Variants in EIF2AK1 observed in about 807,000 individuals in gnomAD.
EIF2AK1 encodes the protein eukaryotic translation initiation factor 2 alpha kinase 1.
In EIF2AK1, 54 loss-of-function variants were observed where a neutral mutation model predicts 77.9. The ratio of observed to expected loss-of-function variants is 0.69; its 90% CI spans 0.56 to 0.87. EIF2AK1 has a LOEUF of 0.87. Among genes scored for constraint, EIF2AK1 ranks in the 40% least tolerant of loss-of-function variants. The pLI, the probability that EIF2AK1 is intolerant of heterozygous loss-of-function variation, is 0.00. For synonymous variants in EIF2AK1, 314 were observed against 290.5 expected, an observed-to-expected ratio of 1.08 and a Z score of -0.82; for missense variants, 810 against 768.6, an observed-to-expected ratio of 1.05 and a Z score of -0.64.
At chr7:6,041,774 G>T (rs930676438) in intron 8 of EIF2AK1, among the ~76,000 whole-genome samples, 4 of 150,364 alleles carry the variant, frequency 2.7e-5, no homozygotes, top group Non-Finnish European at 4.4e-5. Context: ...CCGGGAGGAA[G>T]AGGTTACAGT....
intron 1 of EIF2AK1, among the ~76,000 whole-genome samples, chr7:6,055,272 G>A (rs184724244): frequency 1.4e-4 from 21 of 145,586 alleles, no homozygotes; most frequent in Admixed American, 1.1e-3. Context: ...GAACCTGGGA[G>A]GCAGAAGTTG....
Position 6,044,613 on chromosome 7 carries a change from C to CAATATTGGA in EIF2AK1, c.678_679insTCCAATATT (p.Ile226_Val227insSerAsnIle). On this transcript the variant is annotated inframe_insertion, in exon 7 of 15. Transcript: ENST00000199389. ...TCTATCCACGCGGTGTGATAGCCAA[C>CAATATTGGA]AATATTGGGGTGCTGAAGACCTGCC... 6.2e-7 allele frequency: 1 copy of CAATATTGGA among 1,614,058 alleles called. No individual in the cohort carries two copies. Among genetic ancestry groups the CAATATTGGA allele is most frequent in the Non-Finnish European group, 8.5e-7 (1 of 1,179,986 alleles).
At chr7:6,037,295 G>T in intron 11 of EIF2AK1, 129 bp downstream of exon 11, 1 of 651,990 alleles carries the variant, frequency 1.5e-6, no homozygotes. Context: ...TGACTTATCT[G>T]ACAGTAATTA....
chr7:6,042,662 C>T (rs897514613), intron 8 of EIF2AK1, among the ~76,000 whole-genome samples: 2 of 151,784 alleles, frequency 1.3e-5, no homozygotes, highest in African/African-American at 2.4e-5. Flanking sequence ...GCCAGGAGAT[C>T]GAGACCACCC....
intron 11 of EIF2AK1, among the ~76,000 whole-genome samples, chr7:6,034,263 C>T (rs533579721): frequency 1.3e-5 from 2 of 152,100 alleles, no homozygotes; most frequent in Non-Finnish European, 2.9e-5. Flanking sequence ...GCCAAAATCA[C>T]GCCACCACAC....
chr7:6,022,779 G>A lies in EIF2AK1; in HGVS notation c.*1894C>T, dbSNP rs1165907541. 6.5e-6 allele frequency: 1 copy of A among 152,892 alleles called. No individual in the cohort carries two copies. Among genetic ancestry groups the A allele is most frequent in the African/African-American group, 2.4e-5 (1 of 41,446 alleles). The allele number at this position is 152,892 out of a possible 1,614,324, so 9.5% of individuals were successfully genotyped here. A position where few individuals can be genotyped will look rare whatever the true frequency, so the allele number is the denominator to read the frequency against. ...ACAGCCATCTTGCCCTCACATTCAA[G>A]AACTTACCATCATAGGGACACTGAA... On this transcript the variant is annotated 3_prime_UTR_variant, in exon 15 of 15. Coordinates refer to ENST00000199389, the MANE Select transcript of EIF2AK1 (RefSeq NM_014413.4).
chr7:6,037,631 C>A, intron 10 of EIF2AK1, 107 bp from the exon 11 acceptor site: 1 of 727,362 alleles, frequency 1.4e-6, no homozygotes, highest in Non-Finnish European at 2.4e-6. Context: ...CACTTAAGAA[C>A]AATCTAGATT....
At position 6,023,386 on chromosome 7, in the gene EIF2AK1, CTGTT is replaced by C. The variant is rs1562735367; in HGVS notation, c.*1283_*1286del. The C allele has an allele frequency of 3.1e-6, 5 of 1,614,064 alleles. No homozygotes were observed. The highest frequency in any genetic ancestry group is 3.4e-6 in the Non-Finnish European group (4 of 1,180,028). On this transcript the variant is annotated 3_prime_UTR_variant, in exon 15 of 15. Transcript: ENST00000199389. Reference sequence around the variant, plus strand: ...GAACATTGCACGTTTCTTGTTCTCTCTGTTTGGCCAGAAGCATAATGCTGTCAAC... The same window carrying C: ...GAACATTGCACGTTTCTTGTTCTCTCTGGCCAGAAGCATAATGCTGTCAAC...
chr7:6,036,285 A>T lies in EIF2AK1; in HGVS notation c.1332+1139T>A. ...GGGTATCTGCAAAAGAAACATCAGG[A>T]ATATTTATGGTGAGAAATACAAACA... is the stretch of plus-strand genomic sequence containing the variant. On this transcript the variant is annotated intron_variant, in intron 11 of 14. Transcript: ENST00000199389. The surrounding 1 kb of genome is among the most constrained non-coding windows in gnomAD (Gnocchi z 4.6). The T allele has an allele frequency of 6.5e-7, 1 of 1,549,594 alleles. No individual in the cohort carries two copies.
intron 3 of EIF2AK1, among the ~76,000 whole-genome samples, chr7:6,049,268 G>A (rs1396969570): frequency 6.6e-6 from 1 of 152,198 alleles, no homozygotes; most frequent in Non-Finnish European, 1.5e-5. Context: ...AATTAGGTAG[G>A]GCGCGGTGGC....
intron 3 of EIF2AK1, among the ~76,000 whole-genome samples, chr7:6,049,138 C>T (rs982297194): frequency 1.3e-5 from 2 of 152,260 alleles, no homozygotes; most frequent in African/African-American, 4.8e-5. Flanking sequence ...TGCTTCTGCC[C>T]GTGCCCCCTC....
At chr7:6,025,891 C>T (rs1169883634) in intron 14 of EIF2AK1, among the ~76,000 whole-genome samples, 1 of 151,990 alleles carries the variant, frequency 6.6e-6, no homozygotes, top group East Asian at 1.9e-4. Flanking sequence ...CCTCTGCCTC[C>T]CAAAATCCCA....
intron 2 of EIF2AK1, among the ~76,000 whole-genome samples, chr7:6,053,631 G>A (rs1583499824): frequency 6.6e-6 from 1 of 151,454 alleles, no homozygotes; most frequent in East Asian, 1.9e-4. Context: ...CCAAAGTGCT[G>A]GGATTACAGG....
Position 6,036,111 on chromosome 7 carries a change from A to G in EIF2AK1, c.1332+1313T>C. On this transcript the variant is annotated intron_variant, in intron 11 of 14. Transcript: ENST00000199389. The surrounding 1 kb of genome is among the most constrained non-coding windows in gnomAD (Gnocchi z 4.6). The stretch of plus-strand genomic sequence containing the variant: ...TCAGCGCAGTTGCAATGTAAGAGAT[A>G]CGGCACTTCTGGCCAGGCTACTTTA... 1.3e-6 allele frequency: 2 copies of G among 1,550,896 alleles called. No individual in the cohort carries two copies. Among genetic ancestry groups the G allele is most frequent in the Non-Finnish European group, 8.7e-7 (1 of 1,147,074 alleles).
Position 6,027,056 on chromosome 7 carries a change from T to C in EIF2AK1, c.1531-95A>G. 1 of 1,020,418 alleles carries C rather than the reference T, an allele frequency of 9.8e-7. No individual in the cohort carries two copies. Among genetic ancestry groups the C allele is most frequent in the Non-Finnish European group, 1.5e-6 (1 of 667,086 alleles). 63.2% of individuals were successfully genotyped at this position (1,020,418 alleles called of 1,614,324 possible). The stretch of plus-strand genomic sequence containing the variant: ...TCCACCCTCCAAACAGGAGAGGGTT[T>C]CTAAGAATGAGGATATACGGTCACC... On this transcript the variant is annotated intron_variant, in intron 13 of 14. Transcript: ENST00000199389. This position sits in a 1 kb window ranked among gnomAD's most constrained non-coding sequence, Gnocchi z 4.5.
intron 2 of EIF2AK1, among the ~76,000 whole-genome samples, chr7:6,053,337 TACAA>T (rs936255773): frequency 5.3e-5 from 8 of 152,180 alleles, no homozygotes; most frequent in African/African-American, 1.9e-4. Flanking sequence ...TTCTTTGTGT[TACAA>T]ACAATCCAAT....
At chr7:6,031,404 G>A in intron 11 of EIF2AK1, 1 of 1,550,780 alleles carries the variant, frequency 6.4e-7, no homozygotes, top group Non-Finnish European at 8.7e-7. Flanking sequence ...AAAGGAAGCA[G>A]AGACCTGGTG....
chr7:6,056,829 G>A (rs1240800430), intron 1 of EIF2AK1, among the ~76,000 whole-genome samples: 1 of 151,262 alleles, frequency 6.6e-6, no homozygotes, highest in East Asian at 1.9e-4. Flanking sequence ...TTACAGCAGG[G>A]ACTTTTCCTA....
chr7:6,047,576 T>A, intron 4 of EIF2AK1: 1 of 186,476 alleles, frequency 5.4e-6, no homozygotes, highest in South Asian at 9.1e-5. Flanking sequence ...CGGAGGCTGA[T>A]GCAGGAGAAT....
Sources: allele counts gnomAD v4.1 joint callset (sites outside exome capture counted in the v4.1 genomes callset), GRCh38; gene constraint gnomAD v4.1.1; non-coding constraint Gnocchi (gnomAD v3.1); transcripts MANE v1.5; gene names NCBI Gene and HGNC (gene_info 2026-07-23, HGNC 2026-07-21).